Variants in GLIS3 observed in about 807,000 individuals in gnomAD.
GLIS3 encodes the protein GLIS family zinc finger 3, also known as zinc finger protein GLIS3.
GLIS3 carries 53 observed loss-of-function variants against 78.6 expected under a neutral mutation model. That is an observed-to-expected ratio of 0.67 (90% CI 0.54 to 0.85). GLIS3 has a LOEUF of 0.85. Ranked by LOEUF, GLIS3 falls within the 40% of genes least tolerant of loss-of-function variation. The pLI, the probability that GLIS3 is intolerant of heterozygous loss-of-function variation, is 0.00. For synonymous variants in GLIS3, 684 were observed against 509.9 expected (o/e 1.34, Z -4.60); for missense variants, 1,703 against 1,231.1 (o/e 1.38, Z -5.74).
the GLIS3 span, among the ~76,000 whole-genome samples, chr9:4,391,891 C>G: frequency 3.4e-4 from 52 of 152,312 alleles, no homozygotes; most frequent in African/African-American, 1.2e-3. Context: ...CTAGCAATCC[C>G]ATTACTGGGT....
chr9:3,964,914 C>T (rs1817818409), intron 4 of GLIS3, among the ~76,000 whole-genome samples: 2 of 152,248 alleles, frequency 1.3e-5, no homozygotes, highest in East Asian at 3.9e-4. Context: ...TCCAGCAGGA[C>T]ATGGAGCTAA....
intron 9 of GLIS3, among the ~76,000 whole-genome samples, chr9:3,835,577 C>G (rs2130006384): frequency 6.6e-6 from 1 of 152,320 alleles, no homozygotes; most frequent in East Asian, 1.9e-4. Flanking sequence ...TTTGACTTTT[C>G]AGAAGAAACA....
chr9:4,483,436 G>T, the GLIS3 span, among the ~76,000 whole-genome samples: 1 of 152,068 alleles, frequency 6.6e-6, no homozygotes, highest in Non-Finnish European at 1.5e-5. Flanking sequence ...AGAGGTGTTG[G>T]TGGCTGGGTG....
rs770995645 is a variant in GLIS3, at chr9:3,871,661, G to A, written c.2297+7766C>T. ...CAGCCATTGCTTGAGTGGCTGGGAC[G>A]CAGGGCACCAAGTCCCTAGGCTGCA... On this transcript the variant is annotated intron_variant, in intron 8 of 10. Transcript: ENST00000381971. Among the ~76,000 whole-genome samples, 4 of 152,302 alleles carry A rather than the reference G, an allele frequency of 2.6e-5. No homozygotes were observed. In the South Asian group the frequency reaches 6.2e-4, roughly 24 times the overall value.
chr9:4,300,070 C>A (rs985417517), upstream of GLIS3, among the ~76,000 whole-genome samples: 2 of 145,910 alleles, frequency 1.4e-5, no homozygotes, highest in African/African-American at 5.1e-5. Context: ...GATGTGTGTG[C>A]GGCCGCGAGG....
intron 6 of GLIS3, among the ~76,000 whole-genome samples, chr9:3,930,123 A>G (rs982597502): frequency 2.0e-5 from 3 of 152,238 alleles, no homozygotes; most frequent in South Asian, 2.1e-4. Flanking sequence ...ACTTCCGCAA[A>G]TTAATCCATC....
Position 3,934,512 on chromosome 9 carries a change from C to T in GLIS3, c.1873-2042G>A, listed in dbSNP as rs140611867. On this transcript the variant is annotated intron_variant, in intron 5 of 10. Transcript: ENST00000381971. ...GCAACCTCCGCCTCCCGAGTTTAAG[C>T]GATTCTCCTGCCTCAGCCTCCCGGG... Among the ~76,000 whole-genome samples, 1,215 of 151,526 alleles carry T rather than the reference C, an allele frequency of 8.0e-3. 17 individuals carry two copies. The highest frequency in any genetic ancestry group is 0.028 in the African/African-American group (1,151 of 41,222).
upstream of GLIS3, among the ~76,000 whole-genome samples, chr9:4,350,178 G>C (rs1817949995): frequency 6.6e-6 from 1 of 152,174 alleles, no homozygotes; most frequent in Non-Finnish European, 1.5e-5. Flanking sequence ...AGGCCCAGTG[G>C]CGATGGGAGA....
At chr9:4,167,803 C>A (rs1436661854) in intron 2 of GLIS3, among the ~76,000 whole-genome samples, 4 of 152,182 alleles carry the variant, frequency 2.6e-5, no homozygotes, top group Non-Finnish European at 5.9e-5. Context: ...AACAGAGGGA[C>A]TGACTGGTTT....
chr9:4,367,290 C>G, the GLIS3 span, among the ~76,000 whole-genome samples: 2 of 152,198 alleles, frequency 1.3e-5, no homozygotes, highest in African/African-American at 4.8e-5. Flanking sequence ...CATTTTCACA[C>G]TTGATTGCTG....
At chr9:3,991,171 T>A (rs1190882102) in intron 4 of GLIS3, among the ~76,000 whole-genome samples, 1 of 152,154 alleles carries the variant, frequency 6.6e-6, no homozygotes, top group Non-Finnish European at 1.5e-5. Context: ...AGACATATTG[T>A]AGGAGGAAGC....
At chr9:4,215,529 G>C (rs1404569777) in intron 2 of GLIS3, among the ~76,000 whole-genome samples, 1 of 152,152 alleles carries the variant, frequency 6.6e-6, no homozygotes, top group Non-Finnish European at 1.5e-5. Context: ...AAAGATTCCT[G>C]AATTTCCCAA....
the GLIS3 span, among the ~76,000 whole-genome samples, chr9:4,357,561 CTGTGTGTGTGTG>C: frequency 2.0e-5 from 3 of 147,664 alleles, no homozygotes; most frequent in Non-Finnish European, 4.5e-5. Context: ...GAACTAATTC[CTGTGTGTGTGTG>C]TGTGTGTGTG....
At chr9:4,465,316 G>C in the GLIS3 span, among the ~76,000 whole-genome samples, 2 of 152,254 alleles carry the variant, frequency 1.3e-5, no homozygotes, top group African/African-American at 4.8e-5. Context: ...GGGAGGCCGA[G>C]GCAAGGGGAT....
intron 4 of GLIS3, among the ~76,000 whole-genome samples, chr9:4,075,558 A>G (rs1040021304): frequency 1.2e-4 from 19 of 152,358 alleles, no homozygotes; most frequent in African/African-American, 4.6e-4. Context: ...ACTGGATGAC[A>G]GAGCGAGACT....
the GLIS3 span, among the ~76,000 whole-genome samples, chr9:4,381,640 G>T: frequency 6.6e-6 from 1 of 152,088 alleles, no homozygotes; most frequent in Non-Finnish European, 1.5e-5. Flanking sequence ...CTTCCTGAAG[G>T]AAGTACTTCT....
intron 3 of GLIS3, among the ~76,000 whole-genome samples, chr9:4,119,294 T>C (rs1158621988): frequency 6.6e-6 from 1 of 152,236 alleles, no homozygotes; most frequent in Non-Finnish European, 1.5e-5. Flanking sequence ...CAGCATGTTA[T>C]GACAGGCTTT....
At chr9:4,396,734 G>A in the GLIS3 span, among the ~76,000 whole-genome samples, 2 of 152,246 alleles carry the variant, frequency 1.3e-5, no homozygotes, top group East Asian at 1.9e-4. Flanking sequence ...TTTCACATAC[G>A]ATTTCAGGAG....
chr9:4,167,681 G>A (rs899071681), intron 2 of GLIS3, among the ~76,000 whole-genome samples: 2 of 152,160 alleles, frequency 1.3e-5, no homozygotes, highest in South Asian at 2.1e-4. Context: ...TGGCAGTATC[G>A]AGACTGGAAT....
Sources: allele counts gnomAD v4.1 joint callset (sites outside exome capture counted in the v4.1 genomes callset), GRCh38; gene constraint gnomAD v4.1.1; transcripts MANE v1.5; gene names NCBI Gene and HGNC (gene_info 2026-07-23, HGNC 2026-07-21).